GEMIN4: variants seen among roughly 807,000 people sequenced by gnomAD.
The protein encoded by GEMIN4 is gem nuclear organelle associated protein 4.
A neutral mutation model predicts 76.8 loss-of-function variants in GEMIN4; 59 were observed. That is an observed-to-expected ratio of 0.77 (90% CI 0.62 to 0.95). The LOEUF (loss-of-function observed/expected upper bound fraction) is 0.95, where lower values mean the gene tolerates loss of function less well. GEMIN4 is among the 40% of genes least tolerant of loss of function. The pLI is 0.00. For synonymous variants in GEMIN4, 562 were observed against 559.7 expected, an observed-to-expected ratio of 1.00 and a Z score of -0.06; for missense variants, 1,311 against 1,318.9, an observed-to-expected ratio of 0.99 and a Z score of 0.09.
chr17:747,180 G>T lies in GEMIN4; in HGVS notation c.863C>A (p.Ala288Glu). 6.2e-7 allele frequency: 1 copy of T among 1,613,820 alleles called. No individual in the cohort carries two copies. Among genetic ancestry groups the T allele is most frequent in the Non-Finnish European group, 8.5e-7 (1 of 1,179,892 alleles). ...SDTQNPYHQQ[A>E]LAEKVKEAER... ...TGCCTCCTTCACCTTCTCTGCCAGC[G>T]CCTGCTGGTGGTAGGGATTCTGGGT... The change falls in exon 2 of 2, where the codon GCG becomes GAG. Residue 288 changes from alanine to glutamate, a missense_variant. Physicochemically the swap from Ala to Glu is moderately radical, Grantham distance 107. Transcript: ENST00000319004.
Position 745,214 on chromosome 17 carries a change from G to C in GEMIN4, c.2829C>G (p.Leu943=), listed in dbSNP as rs1567774737. 6.2e-7 allele frequency: 1 copy of C among 1,608,748 alleles called. No homozygotes were observed. The highest frequency in any genetic ancestry group is 8.5e-7 in the Non-Finnish European group (1 of 1,177,934). ...LEGWNHVVKL[L]CGSLTRLLDS... is the part of the protein sequence containing the mutation. ...CCAGGAGGCGGGTCAGACTGCCACA[G>C]AGGAGTTTGACCACGTGGTTCCAGC... Residue 943 remains leucine (L), a synonymous_variant, in exon 2 of 2, where the codon CTC becomes CTG. Transcript: ENST00000319004. The surrounding 1 kb of genome is among the most constrained non-coding windows in gnomAD (Gnocchi z 4.6).
rs530471988 is a variant in GEMIN4, at chr17:747,703, C to T, written c.340G>A (p.Glu114Lys). Residue 114 changes from glutamate to lysine, a missense_variant, in exon 2 of 2, where the codon GAG becomes AAG. Glu to Lys is a moderately conservative substitution (Grantham distance 56). Coordinates refer to ENST00000319004, the MANE Select transcript of GEMIN4 (RefSeq NM_015721.3). Reference protein sequence around the residue: ...IPTINHTILFELLKSLEASGL... With the variant: ...IPTINHTILFKLLKSLEASGL... ...GAAGCTTCCAGGGATTTGAGCAGCT[C>T]GAAGAGGATGGTGTGGTTGATGGTG... 5.6e-6 allele frequency: 9 copies of T among 1,613,622 alleles called. No individual in the cohort carries two copies. The highest frequency in any genetic ancestry group is 1.7e-5 in the Admixed American group (1 of 59,974).
intron 1 of GEMIN4, chr17:749,375 T>C (rs1295100756): frequency 2.0e-5 from 3 of 150,938 alleles, no homozygotes; most frequent in Non-Finnish European, 2.5e-5. Context: ...ACAGCAGCAA[T>C]CACACGGCCA....
chr17:752,548 A>G (rs1336393978), upstream of GEMIN4: 6 of 512,460 alleles, frequency 1.2e-5, no homozygotes, highest in African/African-American at 4.1e-5. Context: ...CTCCCCCGGG[A>G]CGCCCACCAC....
At chr17:752,070 G>A (rs759650356) in intron 1 of GEMIN4, 63 bp downstream of exon 1, 14 of 1,112,076 alleles carry the variant, frequency 1.3e-5, no homozygotes, top group Non-Finnish European at 1.6e-5. Flanking sequence ...ACGCGACGGG[G>A]CAGCACCGCT....
Position 746,484 on chromosome 17 carries a change from T to C in GEMIN4, c.1559A>G (p.Glu520Gly). ...TGTATTGAGGTCTTCCTGAAAACCCTCCACATAAGCCAGCAACTTTTCAGA... is the reference window on the plus strand; with the variant it reads ...TGTATTGAGGTCTTCCTGAAAACCCCCCACATAAGCCAGCAACTTTTCAGA... ...GLSEKLLAYVEGFQEDLNTTF... is the reference protein window; with the variant it reads ...GLSEKLLAYVGGFQEDLNTTF... The change falls in exon 2 of 2, where the codon GAG (glutamate) becomes GGG (glycine). Residue 520 changes from glutamate to glycine, a missense_variant. Glu to Gly is a moderately conservative substitution (Grantham distance 98, BLOSUM62 -2). Coordinates refer to ENST00000319004, the MANE Select transcript of GEMIN4 (RefSeq NM_015721.3). The surrounding 1 kb of genome is among the most constrained non-coding windows in gnomAD (Gnocchi z 4.3). The C allele has an allele frequency of 6.2e-7, 1 of 1,613,968 alleles. No homozygotes were observed. Among genetic ancestry groups the C allele is most frequent in the Non-Finnish European group, 8.5e-7 (1 of 1,179,886 alleles).
At chr17:751,125 G>A (rs1450555538) in intron 1 of GEMIN4, among the ~76,000 whole-genome samples, 1 of 152,178 alleles carries the variant, frequency 6.6e-6, no homozygotes, top group East Asian at 1.9e-4. Flanking sequence ...ACTAGTGCTT[G>A]CCACAGCCCG....
At chr17:752,296 C>T (rs1597566759), upstream of GEMIN4, 2 of 1,224,230 alleles carry the variant, frequency 1.6e-6, no homozygotes, top group African/African-American at 1.6e-5. Context: ...CCCACAGCCT[C>T]CGCCGCGCAC....
Position 746,571 on chromosome 17 carries a change from G to A in GEMIN4, c.1472C>T (p.Ser491Phe). The A allele has an allele frequency of 1.9e-6, 3 of 1,613,732 alleles. No individual in the cohort carries two copies. The highest frequency in any genetic ancestry group is 1.3e-5 in the African/African-American group (1 of 75,070). Residue 491 changes from serine (S) to phenylalanine (F), a missense_variant, in exon 2 of 2, where the codon TCC becomes TTC. By Grantham distance (155) the Ser-to-Phe change is radical (BLOSUM62 -2). This residue lies in a region of GEMIN4 where 1,208 missense variants were observed against 1,166.9 expected (regional missense o/e 1.04). Coordinates refer to ENST00000319004, the MANE Select transcript of GEMIN4 (RefSeq NM_015721.3). This position sits in a 1 kb window ranked among gnomAD's most constrained non-coding sequence, Gnocchi z 4.3. ...HLILECYADL[S>F]LPGKNKVLAG... Reference sequence around the variant, plus strand: ...AAGGACTTTATTTTTACCTGGCAGGGAGAGGTCTGCGTAACATTCCAGGAT... The same window carrying A: ...AAGGACTTTATTTTTACCTGGCAGGAAGAGGTCTGCGTAACATTCCAGGAT...
Position 745,074 on chromosome 17 carries a change from A to G in GEMIN4, c.2969T>C (p.Met990Thr). Residue 990 changes from methionine to threonine, a missense_variant, in exon 2 of 2, where the codon ATG becomes ACG. Physicochemically the swap from Met to Thr is moderately conservative, Grantham distance 81 (BLOSUM62 -1). Transcript: ENST00000319004. This position sits in a 1 kb window ranked among gnomAD's most constrained non-coding sequence, Gnocchi z 4.6. ...ACAGACCTCCGGGTGGAGCATGGCC[A>G]TGATGTGCAGAGCATGGCAGAACAC... ...TQVFCHALHI[M>T]AMLHPEVCEP... 1 of 1,613,682 alleles carries G rather than the reference A, an allele frequency of 6.2e-7. No individual in the cohort carries two copies. The highest frequency in any genetic ancestry group is 8.5e-7 in the Non-Finnish European group (1 of 1,179,814).
Position 745,806 on chromosome 17 carries a change from G to A in GEMIN4, c.2237C>T (p.Thr746Ile). ...CTTGATCCAGACATCCGGGGAGAAG[G>A]TCTCAGCATTGGCTGATACAATCTC... ...LCEIVSANAE[T>I]FSPDVWIKSL... The change falls in exon 2 of 2, where the codon ACC becomes ATC. Residue 746 changes from threonine to isoleucine, a missense_variant. This residue lies in a region of GEMIN4 where 1,208 missense variants were observed against 1,166.9 expected (regional missense o/e 1.04). Coordinates refer to ENST00000319004, the MANE Select transcript of GEMIN4 (RefSeq NM_015721.3). The surrounding 1 kb of genome is among the most constrained non-coding windows in gnomAD (Gnocchi z 4.6). The A allele has an allele frequency of 1.2e-6, 2 of 1,613,024 alleles. No individual in the cohort carries two copies. Among genetic ancestry groups the A allele is most frequent in the South Asian group, 2.2e-5 (2 of 90,944 alleles).
chr17:747,743 C>A lies in GEMIN4; in HGVS notation c.300G>T (p.Val100=). ...TRWQEDLFFS[V]GNMIPTINHT... is the part of the protein sequence containing the mutation. Reference sequence around the variant, plus strand: ...GGTTGATGGTGGGGATCATGTTGCCCACCGAGAAGAACAGGTCTTCCTGCC... The same window carrying A: ...GGTTGATGGTGGGGATCATGTTGCCAACCGAGAAGAACAGGTCTTCCTGCC... The change falls in exon 2 of 2, where the codon GTG becomes GTT. Residue 100 remains valine (V), a synonymous_variant. Coordinates refer to ENST00000319004, the MANE Select transcript of GEMIN4 (RefSeq NM_015721.3). 6.2e-7 allele frequency: 1 copy of A among 1,613,720 alleles called. No homozygotes were observed. The highest frequency in any genetic ancestry group is 8.5e-7 in the Non-Finnish European group (1 of 1,179,826).
At position 745,800 on chromosome 17, in the gene GEMIN4, GAGA is replaced by G; in HGVS notation, c.2240_2242del (p.Phe747del). The G allele has an allele frequency of 5.6e-6, 9 of 1,612,886 alleles. No individual in the cohort carries two copies. The highest frequency in any genetic ancestry group is 7.6e-6 in the Non-Finnish European group (9 of 1,179,632). Reference sequence around the variant, plus strand: ...CAGGGACTTGATCCAGACATCCGGGGAGAAGGTCTCAGCATTGGCTGATACAAT... The same window carrying G: ...CAGGGACTTGATCCAGACATCCGGGGAGGTCTCAGCATTGGCTGATACAAT... On this transcript the variant is annotated inframe_deletion, in exon 2 of 2. Coordinates refer to ENST00000319004, the MANE Select transcript of GEMIN4 (RefSeq NM_015721.3). This position sits in a 1 kb window ranked among gnomAD's most constrained non-coding sequence, Gnocchi z 4.6.
Position 747,701 on chromosome 17 carries a change from C to G in GEMIN4, c.342G>C (p.Glu114Asp). 6.2e-7 allele frequency: 1 copy of G among 1,613,782 alleles called. No homozygotes were observed. Among genetic ancestry groups the G allele is most frequent in the Non-Finnish European group, 8.5e-7 (1 of 1,179,836 alleles). The change falls in exon 2 of 2, where the codon GAG becomes GAC. Residue 114 changes from glutamate (E) to aspartate (D), a missense_variant. Physicochemically the swap from Glu to Asp is conservative, Grantham distance 45. This residue lies in a region of GEMIN4 where 103 missense variants were observed against 152.0 expected (regional missense o/e 0.68). Transcript: ENST00000319004. Reference protein sequence around the residue: ...IPTINHTILFELLKSLEASGL... With the variant: ...IPTINHTILFDLLKSLEASGL... ...CAGAAGCTTCCAGGGATTTGAGCAG[C>G]TCGAAGAGGATGGTGTGGTTGATGG...
rs1974335784 is a variant in GEMIN4, at chr17:745,033, A to T, written c.3010T>A (p.Leu1004Ile). 3 of 1,613,804 alleles carry T rather than the reference A, an allele frequency of 1.9e-6. No individual in the cohort carries two copies. Among genetic ancestry groups the T allele is most frequent in the Non-Finnish European group, 2.5e-6 (3 of 1,179,902 alleles). Residue 1004 changes from leucine (L) to isoleucine (I), a missense_variant, in exon 2 of 2, where the codon TTA becomes ATA. Coordinates refer to ENST00000319004, the MANE Select transcript of GEMIN4 (RefSeq NM_015721.3). This position sits in a 1 kb window ranked among gnomAD's most constrained non-coding sequence, Gnocchi z 4.6. ...TAGCAGGTGAGGGTTTCCAAGGCTA[A>T]AACGTAGAGTGGCTCACAGACCTCC... Reference protein sequence around the residue: ...HPEVCEPLYVLALETLTCYET... With the variant: ...HPEVCEPLYVIALETLTCYET...
chr17:746,143 G>C lies in GEMIN4; in HGVS notation c.1900C>G (p.Pro634Ala). The change falls in exon 2 of 2, where the codon CCC (proline) becomes GCC (alanine). Residue 634 changes from proline to alanine, a missense_variant. Pro to Ala is a conservative substitution (Grantham distance 27). Around this residue, in one of 2 missense-constraint regions of GEMIN4, gnomAD observed 1,208 missense variants for 1,166.9 expected, o/e 1.04. Coordinates refer to ENST00000319004, the MANE Select transcript of GEMIN4 (RefSeq NM_015721.3). This position sits in a 1 kb window ranked among gnomAD's most constrained non-coding sequence, Gnocchi z 4.3. Reference protein sequence around the residue: ...FLELLNCLMSPVKPQGIPVAA... With the variant: ...FLELLNCLMSAVKPQGIPVAA... ...ACTGGAATCCCTTGGGGTTTCACGGGACTCATCAGGCAGTTCAGGAGCTCT... is the reference window on the plus strand; with the variant it reads ...ACTGGAATCCCTTGGGGTTTCACGGCACTCATCAGGCAGTTCAGGAGCTCT... The C allele has an allele frequency of 6.2e-7, 1 of 1,613,956 alleles. No homozygotes were observed. The highest frequency in any genetic ancestry group is 8.5e-7 in the Non-Finnish European group (1 of 1,179,898).
chr17:747,797 G>A lies in GEMIN4; in HGVS notation c.246C>T (p.Pro82=), dbSNP rs76838300. The A allele has an allele frequency of 3.5e-5, 57 of 1,613,410 alleles. No individual in the cohort carries two copies. In the East Asian group the frequency reaches 7.6e-4, roughly 21 times the overall value. ...GTGTCTCTGTGTCGGACGGGGTCAC[G>A]GGGTGCGGCTGCAGAACCTTGGCCC... is the stretch of plus-strand genomic sequence containing the variant. ...IIWAKVLQPH[P]VTPSDTETRW... The change falls in exon 2 of 2, where the codon CCC becomes CCT. Residue 82 remains proline, a synonymous_variant. Transcript: ENST00000319004.
chr17:750,116 G>C (rs1904585140), intron 1 of GEMIN4: 1 of 432,186 alleles, frequency 2.3e-6, no homozygotes, highest in African/African-American at 2.2e-5. Context: ...AGCTACTTGG[G>C]GGGCTGAGGC....
Position 745,746 on chromosome 17 carries a change from A to C in GEMIN4, c.2297T>G (p.Leu766Arg). The C allele has an allele frequency of 6.2e-7, 1 of 1,609,686 alleles. No individual in the cohort carries two copies. The highest frequency in any genetic ancestry group is 8.5e-7 in the Non-Finnish European group (1 of 1,178,108). Residue 766 changes from leucine (L) to arginine (R), a missense_variant, in exon 2 of 2, where the codon CTA (leucine) becomes CGA (arginine). Physicochemically the swap from Leu to Arg is moderately radical, Grantham distance 102. Around this residue, in one of 2 missense-constraint regions of GEMIN4, gnomAD observed 1,208 missense variants for 1,166.9 expected, o/e 1.04. Coordinates refer to ENST00000319004, the MANE Select transcript of GEMIN4 (RefSeq NM_015721.3). The surrounding 1 kb of genome is among the most constrained non-coding windows in gnomAD (Gnocchi z 4.6). ...CAGCCTCAGGCCCACAGTCCAGTCTAGCTGTTCTAACTTGCGGTGGAGCCA... is the reference window on the plus strand; with the variant it reads ...CAGCCTCAGGCCCACAGTCCAGTCTCGCTGTTCTAACTTGCGGTGGAGCCA... ...LSWLHRKLEQLDWTVGLRLKS... is the reference protein window; with the variant it reads ...LSWLHRKLEQRDWTVGLRLKS...
Sources: allele counts gnomAD v4.1 joint callset (sites outside exome capture counted in the v4.1 genomes callset), GRCh38; gene constraint gnomAD v4.1.1; regional missense constraint gnomAD v4.1.1; non-coding constraint Gnocchi (gnomAD v3.1); transcripts MANE v1.5; gene names NCBI Gene and HGNC (gene_info 2026-07-23, HGNC 2026-07-21).